Variants in FAM107B observed in about 807,000 individuals in gnomAD.
The protein encoded by FAM107B is family with sequence similarity 107 member B.
A neutral mutation model predicts 31.5 loss-of-function variants in FAM107B; 21 were observed. That is an observed-to-expected ratio of 0.67 (90% CI 0.47 to 0.96). FAM107B has a LOEUF of 0.96. Ranked by LOEUF, FAM107B falls within the 40% of genes least tolerant of loss-of-function variation. FAM107B has a pLI of 0.00. For synonymous variants in FAM107B, 157 were observed against 141.5 expected (o/e 1.11, Z -0.78); for missense variants, 452 against 377.1 (o/e 1.20, Z -1.64).
intron 1 of FAM107B, among the ~76,000 whole-genome samples, chr10:14,716,254 T>C (rs959339723): frequency 1.3e-5 from 2 of 152,226 alleles, no homozygotes; most frequent in Non-Finnish European, 2.9e-5. Flanking sequence ...TGGTTCTAGC[T>C]TCGGGCCTAT....
At chr10:14,673,387 ATC>A (rs1854606354) in intron 1 of FAM107B, among the ~76,000 whole-genome samples, 2 of 152,292 alleles carry the variant, frequency 1.3e-5, no homozygotes, top group South Asian at 4.1e-4. Flanking sequence ...AACATGTGGT[ATC>A]TGTCTTTCTG....
intron 2 of FAM107B, among the ~76,000 whole-genome samples, chr10:14,537,444 C>G (rs752549300): frequency 6.6e-6 from 1 of 152,234 alleles, no homozygotes; most frequent in Non-Finnish European, 1.5e-5. Flanking sequence ...AGCTTCCTCA[C>G]TTGCTCTAAG....
At position 14,521,859 on chromosome 10, in the gene FAM107B, T is replaced by A. The variant is rs772997958; in HGVS notation, c.804+10A>T. The A allele has an allele frequency of 6.2e-7, 1 of 1,607,636 alleles. No homozygotes were observed. The highest frequency in any genetic ancestry group is 8.5e-7 in the Non-Finnish European group (1 of 1,178,378). ...ACAAAAAAAGACAGCTTCCAGCCAA[T>A]CCCCCTTACCTGCTCCAACTTCTGC... On this transcript the variant is annotated intron_variant, in intron 4 of 4. Transcript: ENST00000181796.
At chr10:14,615,030 T>C (rs1428787317) in intron 2 of FAM107B, among the ~76,000 whole-genome samples, 1 of 152,110 alleles carries the variant, frequency 6.6e-6, no homozygotes, top group Non-Finnish European at 1.5e-5. Context: ...TTGCTTGTTT[T>C]TAAAAATGGC....
At position 14,763,749 on chromosome 10, in the gene FAM107B, C is replaced by G. The variant is rs567230509; in HGVS notation, c.411+10504G>C. ...TGGTGACCTTGTTCCCTTACTGTCT[C>G]AAGTCTGACCCCACCTAAAGCATCC... On this transcript the variant is annotated intron_variant, in intron 1 of 4. Transcript: ENST00000181796. Among the ~76,000 whole-genome samples the G allele has an allele frequency of 5.3e-5, 8 of 152,310 alleles. No individual in the cohort carries two copies. The East Asian group carries it at 1.4e-3, about 26-fold the overall frequency.
At chr10:14,532,059 A>C (rs1484619989) in intron 2 of FAM107B, among the ~76,000 whole-genome samples, 1 of 152,216 alleles carries the variant, frequency 6.6e-6, no homozygotes, top group Non-Finnish European at 1.5e-5. Flanking sequence ...TTTACTGCTA[A>C]TCCTTCAGCC....
At chr10:14,702,894 C>T (rs965578036) in intron 1 of FAM107B, among the ~76,000 whole-genome samples, 3 of 152,224 alleles carry the variant, frequency 2.0e-5, no homozygotes, top group Admixed American at 2.0e-4. Context: ...CCTTCCTCTC[C>T]CTGTTGTCTC....
intron 2 of FAM107B, chr10:14,663,605 G>T (rs1376436121): frequency 6.6e-6 from 1 of 152,106 alleles, no homozygotes; most frequent in Admixed American, 6.6e-5. Context: ...CTTATAAATG[G>T]GCTAATGTAT....
At chr10:14,548,123 T>C (rs367764576) in intron 2 of FAM107B, among the ~76,000 whole-genome samples, 2 of 152,300 alleles carry the variant, frequency 1.3e-5, no homozygotes, top group African/African-American at 4.8e-5. Flanking sequence ...CCCACAGCGC[T>C]CGCTGGTTGA....
At chr10:14,655,085 G>C (rs1056127614) in intron 2 of FAM107B, among the ~76,000 whole-genome samples, 14 of 152,186 alleles carry the variant, frequency 9.2e-5, no homozygotes, top group African/African-American at 3.4e-4. Context: ...CATGTGCAGA[G>C]ATTACATGGC....
chr10:14,760,504 C>T (rs530216357), intron 1 of FAM107B, among the ~76,000 whole-genome samples: 63 of 150,236 alleles, frequency 4.2e-4, no homozygotes, highest in Non-Finnish European at 6.5e-4. Flanking sequence ...TTATTCTCTG[C>T]GACATTAATA....
intron 1 of FAM107B, among the ~76,000 whole-genome samples, chr10:14,737,128 T>C (rs1358330446): frequency 1.3e-5 from 2 of 152,264 alleles, no homozygotes; most frequent in Non-Finnish European, 2.9e-5. Context: ...AGAGATCTTG[T>C]CAGCGCTCTG....
intron 1 of FAM107B, among the ~76,000 whole-genome samples, chr10:14,695,437 T>C (rs1415648394): frequency 6.6e-6 from 1 of 152,204 alleles, no homozygotes; most frequent in East Asian, 1.9e-4. Flanking sequence ...GTGTTATGCC[T>C]CCAGTTCTTT....
chr10:14,724,822 CT>C (rs1424191800), intron 1 of FAM107B, among the ~76,000 whole-genome samples: 1 of 152,204 alleles, frequency 6.6e-6, no homozygotes, highest in Non-Finnish European at 1.5e-5. Flanking sequence ...GCCCCAACAC[CT>C]AGGTCCTAAA....
At chr10:14,637,399 T>C (rs1366828542) in intron 2 of FAM107B, among the ~76,000 whole-genome samples, 5 of 152,000 alleles carry the variant, frequency 3.3e-5, no homozygotes, top group African/African-American at 1.2e-4. Context: ...CTTTGGGAGG[T>C]TGAAGCAGGT....
At position 14,592,416 on chromosome 10, in the gene FAM107B, CCAGAGTCAATTTATCACGTG is replaced by C. The variant is rs544949770; in HGVS notation, c.470-61921_470-61902del. Reference sequence around the variant, plus strand: ...AAAAAGCATAAAATCACAGGTCTGTCCAGAGTCAATTTATCACGTGAATCAAAACAAGGCACCTCTGAAGT... The same window carrying C: ...AAAAAGCATAAAATCACAGGTCTGTCAATCAAAACAAGGCACCTCTGAAGT... On this transcript the variant is annotated intron_variant, in intron 2 of 4. Coordinates refer to ENST00000181796, the MANE Select transcript of FAM107B (RefSeq NM_031453.4). Among the ~76,000 whole-genome samples the C allele has an allele frequency of 7.2e-5, 11 of 152,256 alleles. No homozygotes were observed. In the South Asian group the frequency reaches 2.3e-3, roughly 32 times the overall value.
At chr10:14,730,951 C>T (rs1034682298) in intron 1 of FAM107B, among the ~76,000 whole-genome samples, 2 of 151,986 alleles carry the variant, frequency 1.3e-5, no homozygotes, top group Non-Finnish European at 1.5e-5. Flanking sequence ...GGAGTGGAGG[C>T]AGAAGATCAA....
chr10:14,635,341 C>G (rs1028934947), intron 2 of FAM107B, among the ~76,000 whole-genome samples: 16 of 152,166 alleles, frequency 1.1e-4, no homozygotes, highest in African/African-American at 3.9e-4. Context: ...CTAAACTTTG[C>G]TTGCAACCAT....
intron 2 of FAM107B, among the ~76,000 whole-genome samples, chr10:14,590,396 C>T (rs538453000): frequency 6.6e-6 from 1 of 152,180 alleles, no homozygotes; most frequent in African/African-American, 2.4e-5. Context: ...ATCCTTTTAA[C>T]AAATAGGTTT....
Sources: allele counts gnomAD v4.1 joint callset (sites outside exome capture counted in the v4.1 genomes callset), GRCh38; gene constraint gnomAD v4.1.1; transcripts MANE v1.5; gene names NCBI Gene and HGNC (gene_info 2026-07-23, HGNC 2026-07-21).